Variants in PFKM observed in about 807,000 individuals in gnomAD.
PFKM encodes ATP-dependent 6-phosphofructokinase, muscle type.
A neutral mutation model predicts 95.5 loss-of-function variants in PFKM; 58 were observed. The observed-to-expected ratio is 0.61, with a 90% CI of 0.49 to 0.76. The LOEUF (loss-of-function observed/expected upper bound fraction) is 0.76, where lower values mean the gene tolerates loss of function less well. PFKM is among the 30% of genes least tolerant of loss of function. The pLI is 0.00. For synonymous variants in PFKM, 336 were observed against 357.2 expected (o/e 0.94, Z 0.67); for missense variants, 678 against 1,005.4 (o/e 0.67, Z 4.40).
chr12:48,108,630 A>G (rs1946915418), intron 3 of PFKM, among the ~76,000 whole-genome samples: 1 of 152,228 alleles, frequency 6.6e-6, no homozygotes, highest in African/African-American at 2.4e-5. Context: ...TTTTCATCTT[A>G]GGAAACCATT....
At chr12:48,127,362 C>A (rs1948966630) in intron 2 of PFKM, among the ~76,000 whole-genome samples, 1 of 152,188 alleles carries the variant, frequency 6.6e-6, no homozygotes, top group Admixed American at 6.5e-5. Flanking sequence ...GGATACTCCA[C>A]AAGAACTTCA....
intron 1 of PFKM, chr12:48,106,348 C>T: frequency 1.9e-6 from 1 of 518,160 alleles, no homozygotes. Context: ...TTCTCTGTTC[C>T]CTCTGCTCCC....
chr12:48,135,392 CTGGGCTGTGTGGCCCTCAT>C lies in PFKM; in HGVS notation c.936+10_936+28del. ...CCTTTGACAGAATTCTGGTAAGTCA[CTGGGCTGTGTGGCCCTCAT>C]GCCTTGAAACCCTCAACCTTGTAGT... On this transcript the variant is annotated intron_variant, in intron 10 of 22. Coordinates refer to ENST00000359794, the MANE Select transcript of PFKM (RefSeq NM_000289.6). The C allele has an allele frequency of 6.2e-7, 1 of 1,603,404 alleles. No individual in the cohort carries two copies. Among genetic ancestry groups the C allele is most frequent in the South Asian group, 1.1e-5 (1 of 90,854 alleles).
rs146169140 is a variant in PFKM, at chr12:48,133,937, A to G, written c.594-295A>G. Among the ~76,000 whole-genome samples, 1,270 of 152,206 alleles carry G rather than the reference A, an allele frequency of 8.3e-3. 15 individuals are homozygous for G. The highest frequency in any genetic ancestry group is 0.028 in the African/African-American group (1,151 of 41,504). ...AGGGTAATCCTAAAGGATTCCAGTT[A>G]GTCCAATTCTCCCTTCACTTCTTAT... is the stretch of plus-strand genomic sequence containing the variant. On this transcript the variant is annotated intron_variant, in intron 6 of 22. Coordinates refer to ENST00000359794, the MANE Select transcript of PFKM (RefSeq NM_000289.6).
At chr12:48,141,877 TCTCCCC>T (rs1382630953) in intron 16 of PFKM, 31 bp from the exon 17 acceptor site, 3 of 1,613,668 alleles carry the variant, frequency 1.9e-6, no homozygotes, top group Non-Finnish European at 1.7e-6. Flanking sequence ...CTCCTCTCCC[TCTCCCC>T]AATCCTGCCC....
intron 2 of PFKM, among the ~76,000 whole-genome samples, chr12:48,124,158 A>C (rs1478866843): frequency 1.3e-5 from 2 of 152,112 alleles, no homozygotes; most frequent in African/African-American, 4.8e-5. Flanking sequence ...ACTAATATTT[A>C]TTATAATTGT....
intron 13 of PFKM, 79 bp downstream of exon 13, chr12:48,139,991 A>G: frequency 2.1e-6 from 2 of 934,668 alleles, no homozygotes; most frequent in Non-Finnish European, 3.5e-6. Flanking sequence ...ACCACAGTCC[A>G]TACAACATAA....
At position 48,146,184 on chromosome 12, in the gene PFKM, G is replaced by A. The variant is rs1241855730; in HGVS notation, c.*476G>A. ...ATGTATCAGACACTTGTCTGATGAA[G>A]CAGTAAAGACGTTAAGGGTATCACA... On this transcript the variant is annotated 3_prime_UTR_variant, in exon 23 of 23. Transcript: ENST00000359794. The A allele has an allele frequency of 2.0e-5, 4 of 195,504 alleles. No homozygotes were observed. The highest frequency in any genetic ancestry group is 9.4e-5 in the African/African-American group (4 of 42,596). The allele number at this position is 195,504 out of a possible 1,614,324, so 12.1% of individuals were successfully genotyped here.
At chr12:48,130,728 G>T (rs1386171826) in intron 3 of PFKM, among the ~76,000 whole-genome samples, 1 of 152,162 alleles carries the variant, frequency 6.6e-6, no homozygotes, top group African/African-American at 2.4e-5. Context: ...ATGGAAATGG[G>T]TAGTATTTAC....
chr12:48,105,878 A>AG, upstream of PFKM: 3 of 607,020 alleles, frequency 4.9e-6, no homozygotes, highest in South Asian at 1.9e-5. Flanking sequence ...AGGTGGTCCC[A>AG]GGGGGCGGGG....
chr12:48,145,849 C>A lies in PFKM; in HGVS notation c.*141C>A. On this transcript the variant is annotated 3_prime_UTR_variant, in exon 23 of 23. Transcript: ENST00000359794. The surrounding 1 kb of genome is among the most constrained non-coding windows in gnomAD (Gnocchi z 4.3). ...ACCTTGCAGCCATGACCAGTTCTGGCCAGGAGCTGGAGGAGCAGGCAGTGG... is the reference window on the plus strand; with the variant it reads ...ACCTTGCAGCCATGACCAGTTCTGGACAGGAGCTGGAGGAGCAGGCAGTGG... 1.1e-6 allele frequency: 1 copy of A among 897,130 alleles called. No individual in the cohort carries two copies. The highest frequency in any genetic ancestry group is 1.7e-6 in the Non-Finnish European group (1 of 572,478). The allele number at this position is 897,130 out of a possible 1,614,324, so 55.6% of individuals were successfully genotyped here. A position where few individuals can be genotyped will look rare whatever the true frequency, so the allele number is the denominator to read the frequency against.
chr12:48,133,483 A>G lies in PFKM; in HGVS notation c.593+3A>G, dbSNP rs760139162. ...GCCATCACTACCACTGCCCAGAGGT[A>G]AGGGGACTTGGGAGGTAGGCAGTGT... is the stretch of plus-strand genomic sequence containing the variant. On this transcript the variant is annotated splice_donor_region_variant and intron_variant, in intron 6 of 22. Coordinates refer to ENST00000359794, the MANE Select transcript of PFKM (RefSeq NM_000289.6). 2.5e-6 allele frequency: 4 copies of G among 1,613,824 alleles called. No homozygotes were observed. The highest frequency in any genetic ancestry group is 2.5e-6 in the Non-Finnish European group (3 of 1,179,700).
intron 3 of PFKM, among the ~76,000 whole-genome samples, chr12:48,110,331 G>T (rs1479332234): frequency 6.6e-6 from 1 of 152,168 alleles, no homozygotes; most frequent in South Asian, 2.1e-4. Context: ...AGGTCTTATG[G>T]ACACTTTTGA....
rs370229521 is a variant in PFKM at position 48,133,049 on chromosome 12, A to G, written c.419A>G (p.Gln140Arg). The G allele has an allele frequency of 5.0e-6, 8 of 1,614,022 alleles. No individual in the cohort carries two copies. The highest frequency in any genetic ancestry group is 1.3e-5 in the African/African-American group (1 of 74,938). Residue 140 changes from glutamine to arginine, a missense_variant, in exon 5 of 23, where the codon CAG (glutamine) becomes CGG (arginine). By Grantham distance (43) the Gln-to-Arg change is conservative. Transcript: ENST00000359794. ...SEWSDLLSDL[Q>R]KAGKITDEEA... ...TGGAGTGACTTGTTGAGTGACCTCC[A>G]GAAAGCAGGTAAGAGAGTTTTCACA...
At chr12:48,140,415 G>T (rs1950478697) in intron 13 of PFKM, among the ~76,000 whole-genome samples, 1 of 152,210 alleles carries the variant, frequency 6.6e-6, no homozygotes, top group African/African-American at 2.4e-5. Context: ...TCTGATGCAG[G>T]TGATCCAAGG....
At chr12:48,118,108 C>T (rs111889755), upstream of PFKM, among the ~76,000 whole-genome samples, 1 of 152,148 alleles carries the variant, frequency 6.6e-6, no homozygotes, top group Non-Finnish European at 1.5e-5. Context: ...CTTAAAGAGT[C>T]TGTTCTATCA....
rs556830769 is a variant in PFKM at position 48,135,025 on chromosome 12, A to G, written c.830A>G (p.Glu277Gly). The part of the protein sequence containing the change: ...IDKNGKPITS[E>G]DIKNLVVKRL... Reference sequence around the variant, plus strand: ...AAGAATGGAAAACCAATCACCTCAGAAGACATCAAGAATGTTCGTATGAAT... The same window carrying G: ...AAGAATGGAAAACCAATCACCTCAGGAGACATCAAGAATGTTCGTATGAAT... Residue 277 changes from glutamate to glycine, a missense_variant, in exon 9 of 23, where the codon GAA (glutamate) becomes GGA (glycine). Transcript: ENST00000359794. The G allele has an allele frequency of 6.2e-7, 1 of 1,612,000 alleles. No homozygotes were observed. The highest frequency in any genetic ancestry group is 1.3e-5 in the African/African-American group (1 of 74,980).
At chr12:48,133,167 C>A (rs1949695610) in intron 5 of PFKM, 110 bp downstream of exon 5, 1 of 1,314,878 alleles carries the variant, frequency 7.6e-7, no homozygotes, top group Non-Finnish European at 1.1e-6. Flanking sequence ...AAAAATGTTA[C>A]CCAGACACAA....
At chr12:48,118,585 T>C (rs1019260047), upstream of PFKM, 10 of 1,384,196 alleles carry the variant, frequency 7.2e-6, no homozygotes, top group African/African-American at 1.4e-5. Flanking sequence ...AAGGTGAGAC[T>C]TGAGTAATGG....
Sources: allele counts gnomAD v4.1 joint callset (sites outside exome capture counted in the v4.1 genomes callset), GRCh38; gene constraint gnomAD v4.1.1; non-coding constraint Gnocchi (gnomAD v3.1); transcripts MANE v1.5; gene names NCBI Gene and HGNC (gene_info 2026-07-23, HGNC 2026-07-21).